DHX16: variants seen among roughly 807,000 people sequenced by gnomAD.
The protein encoded by DHX16 is DEAH-box helicase 16.
In DHX16, 81 loss-of-function variants were observed where a neutral mutation model predicts 131.2. The ratio of observed to expected loss-of-function variants is 0.62; its 90% CI spans 0.52 to 0.74. DHX16 has a LOEUF of 0.74. Among genes scored for constraint, DHX16 ranks in the 30% least tolerant of loss-of-function variants. The probability of loss-of-function intolerance (pLI) is 0.00; values close to 1 mark genes in which losing one functional copy is unlikely to be tolerated. For synonymous variants in DHX16, 440 were observed against 520.2 expected (o/e 0.85, Z 2.10); for missense variants, 980 against 1,363.1 (o/e 0.72, Z 4.43).
rs931882795 is a variant in DHX16, at chr6:30,661,827, C to G, written c.1544+800G>C. On this transcript the variant is annotated intron_variant, in intron 9 of 19. Coordinates refer to ENST00000376442, the MANE Select transcript of DHX16 (RefSeq NM_003587.5). The stretch of plus-strand genomic sequence containing the variant: ...GCTCGATGGGCAAAAACATCTGCAT[C>G]AGACACTCTTGCGCTGGCTGGCTCT... 26 of 717,870 alleles carry G rather than the reference C, an allele frequency of 3.6e-5. No homozygotes were observed. The African/African-American group carries it at 4.4e-4, about 12-fold the overall frequency. The allele number at this position is 717,870 out of a possible 1,614,324, so 44.5% of individuals were successfully genotyped here. A position where few individuals can be genotyped will look rare whatever the true frequency, so the allele number is the denominator to read the frequency against.
intron 10 of DHX16, 53 bp from the exon 11 acceptor site, chr6:30,659,887 C>A: frequency 6.3e-7 from 1 of 1,579,360 alleles, no homozygotes; most frequent in Non-Finnish European, 8.7e-7. Context: ...TTAGGCAAAC[C>A]TTTCCTCTCC....
At chr6:30,661,912 T>C (rs1416558051) in intron 9 of DHX16, 5 of 716,816 alleles carry the variant, frequency 7.0e-6, no homozygotes, top group African/African-American at 3.5e-5. Flanking sequence ...ATCTGTCCAA[T>C]TGCTCCACTG....
Position 30,656,536 on chromosome 6 carries a change from A to T in DHX16, c.2312-27T>A. On this transcript the variant is annotated intron_variant, in intron 14 of 19. Transcript: ENST00000376442. The surrounding 1 kb of genome is among the most constrained non-coding windows in gnomAD (Gnocchi z 5.1). ...TAGAAAGAGGTGTGATGGATGGAAC[A>T]GAGTCCCTTCAAAGGACAGTGACTC... is the stretch of plus-strand genomic sequence containing the variant. 1 of 1,613,980 alleles carries T rather than the reference A, an allele frequency of 6.2e-7. No homozygotes were observed. Among genetic ancestry groups the T allele is most frequent in the Non-Finnish European group, 8.5e-7 (1 of 1,179,832 alleles).
At position 30,662,813 on chromosome 6, in the gene DHX16, G is replaced by T. The variant is rs183929486; in HGVS notation, c.1429-71C>A. On this transcript the variant is annotated intron_variant, in intron 8 of 19. Coordinates refer to ENST00000376442, the MANE Select transcript of DHX16 (RefSeq NM_003587.5). The surrounding 1 kb of genome is among the most constrained non-coding windows in gnomAD (Gnocchi z 4.7). ...TGAAAGGAACTTGGGGAAAGGTGAA[G>T]TGGGGCAGCACCAAGACTTCTGCTG... The T allele has an allele frequency of 1.2e-4, 185 of 1,559,572 alleles. 1 individual carries two copies. The East Asian group carries it at 3.9e-3, about 33-fold the overall frequency.
Position 30,671,222 on chromosome 6 carries a change from G to A in DHX16, c.260C>T (p.Ala87Val). ...EKPARAAERE[A>V]RALLEKNRSY... ...TCGGTTCTTCTCCAGCAGGGCCCGG[G>A]CCTCTCGCTCTGCTGCCCGAGCTGG... The change falls in exon 2 of 20, where the codon GCC becomes GTC. Residue 87 changes from alanine to valine, a missense_variant. Transcript: ENST00000376442. 6.2e-7 allele frequency: 1 copy of A among 1,612,994 alleles called. No homozygotes were observed. The highest frequency in any genetic ancestry group is 8.5e-7 in the Non-Finnish European group (1 of 1,180,034).
chr6:30,655,746 T>A, intron 16 of DHX16, 149 bp from the exon 17 acceptor site: 1 of 849,956 alleles, frequency 1.2e-6, no homozygotes, highest in Non-Finnish European at 1.8e-6. Context: ...GCAGATAGAT[T>A]CTGGCAGCAG....
intron 4 of DHX16, among the ~76,000 whole-genome samples, chr6:30,668,418 A>AG (rs1769231643): frequency 6.6e-6 from 1 of 152,154 alleles, no homozygotes; most frequent in African/African-American, 2.4e-5. Context: ...TGGGAGACCG[A>AG]GGGGGGTGGA....
In DHX16 at chr6:30,656,774, G is replaced by A; in HGVS notation, c.2149-15C>T. The A allele has an allele frequency of 6.2e-7, 1 of 1,611,092 alleles. No homozygotes were observed. The highest frequency in any genetic ancestry group is 8.5e-7 in the Non-Finnish European group (1 of 1,179,832). ...TTGGCTGAGGCCTGGAAAGAAAGGGGAACAGGCTGGCTGACAATTTGGTCA... is the reference window on the plus strand; with the variant it reads ...TTGGCTGAGGCCTGGAAAGAAAGGGAAACAGGCTGGCTGACAATTTGGTCA... On this transcript the variant is annotated splice_polypyrimidine_tract_variant and intron_variant, in intron 13 of 19. Coordinates refer to ENST00000376442, the MANE Select transcript of DHX16 (RefSeq NM_003587.5). The surrounding 1 kb of genome is among the most constrained non-coding windows in gnomAD (Gnocchi z 5.1).
At chr6:30,672,355 G>A (rs1296715584) in intron 1 of DHX16, among the ~76,000 whole-genome samples, 2 of 151,210 alleles carry the variant, frequency 1.3e-5, no homozygotes, top group African/African-American at 4.9e-5. Context: ...AAGAAATGCA[G>A]AAACTAAGAT....
intron 9 of DHX16, among the ~76,000 whole-genome samples, chr6:30,660,796 C>T (rs200237234): frequency 6.6e-5 from 10 of 151,368 alleles, no homozygotes; most frequent in East Asian, 4.0e-4. Flanking sequence ...GCAGGAGAAT[C>T]GCTTGAACCT....
Position 30,660,202 on chromosome 6 carries a change from T to C in DHX16, c.1585A>G (p.Thr529Ala), listed in dbSNP as rs755910210. The change falls in exon 10 of 20, where the codon ACA (threonine) becomes GCA (alanine). Residue 529 changes from threonine to alanine, a missense_variant. Coordinates refer to ENST00000376442, the MANE Select transcript of DHX16 (RefSeq NM_003587.5). ...TTGATCAATCCAAAGAGAATGTCTG[T>C]GTGTAGGGTCCTTTCGTGTGCCTCA... The part of the protein sequence containing the change: ...VDEAHERTLH[T>A]DILFGLIKDV... 1.3e-6 allele frequency: 2 copies of C among 1,556,340 alleles called. No individual in the cohort carries two copies. The highest frequency in any genetic ancestry group is 1.7e-6 in the Non-Finnish European group (2 of 1,150,480).
At position 30,662,587 on chromosome 6, in the gene DHX16, G is replaced by T; in HGVS notation, c.1544+40C>A. On this transcript the variant is annotated intron_variant, in intron 9 of 19. Transcript: ENST00000376442. This position sits in a 1 kb window ranked among gnomAD's most constrained non-coding sequence, Gnocchi z 4.7. ...CAGAAGACAATGGCTGAATTGGCTG[G>T]GTGGGAAGAAGGGAGAGAAAGGCCA... is the stretch of plus-strand genomic sequence containing the variant. 1 of 1,529,750 alleles carries T rather than the reference G, an allele frequency of 6.5e-7. No individual in the cohort carries two copies. Among genetic ancestry groups the T allele is most frequent in the Non-Finnish European group, 9.0e-7 (1 of 1,105,490 alleles). 94.8% of individuals were successfully genotyped at this position (1,529,750 alleles called of 1,614,324 possible). A position where few individuals can be genotyped will look rare whatever the true frequency, so the allele number is the denominator to read the frequency against.
Position 30,664,990 on chromosome 6 carries a change from C to A in DHX16, c.1128G>T (p.Glu376Asp), listed in dbSNP as rs755287752. Residue 376 changes from glutamate to aspartate, a missense_variant and splice_region_variant, in exon 7 of 20, where the codon GAG becomes GAT. Glu to Asp is a conservative substitution (Grantham distance 45). Coordinates refer to ENST00000376442, the MANE Select transcript of DHX16 (RefSeq NM_003587.5). ...GAGTTGAAGTGGGTGGAGCTGACGGCTCCTAAGGAAAGAGAAGGAGGTGTG... is the reference window on the plus strand; with the variant it reads ...GAGTTGAAGTGGGTGGAGCTGACGGATCCTAAGGAAAGAGAAGGAGGTGTG... ...VRATQLQGDE[E>D]PSAPPTSTQA... is the part of the protein sequence containing the mutation. The A allele has an allele frequency of 2.1e-5, 34 of 1,613,786 alleles. No homozygotes were observed. Among genetic ancestry groups the A allele is most frequent in the Non-Finnish European group, 2.6e-5 (31 of 1,179,894 alleles).
At position 30,659,842 on chromosome 6, in the gene DHX16, G is replaced by T; in HGVS notation, c.1756-8C>A. The stretch of plus-strand genomic sequence containing the variant: ...GTAGTCAGCCTCTGGAGCCTGGAGA[G>T]CAGAAAGAGATGGGGTCACAGGAGG... On this transcript the variant is annotated splice_region_variant and splice_polypyrimidine_tract_variant and intron_variant, in intron 10 of 19. Transcript: ENST00000376442. 6.2e-7 allele frequency: 1 copy of T among 1,613,568 alleles called. No homozygotes were observed. Among genetic ancestry groups the T allele is most frequent in the South Asian group, 1.1e-5 (1 of 91,008 alleles).
intron 1 of DHX16, 74 bp from the exon 2 acceptor site, chr6:30,671,348 A>G: frequency 7.2e-7 from 1 of 1,381,890 alleles, no homozygotes; most frequent in East Asian, 2.3e-5. Flanking sequence ...TCTGTTCCTA[A>G]TTTAAGCAAT....
Position 30,670,993 on chromosome 6 carries a change from A to T in DHX16, c.447-41T>A. On this transcript the variant is annotated intron_variant, in intron 2 of 19. Transcript: ENST00000376442. This position sits in a 1 kb window ranked among gnomAD's most constrained non-coding sequence, Gnocchi z 4.4. ...GGGATTAAATAAGGGCATAGAGAAC[A>T]CTTCAGCCTGCCCCATCCTCTCTCA... 1.2e-6 allele frequency: 2 copies of T among 1,612,950 alleles called. No individual in the cohort carries two copies. The highest frequency in any genetic ancestry group is 2.2e-5 in the East Asian group (1 of 44,874).
At chr6:30,655,404 C>G in intron 17 of DHX16, 31 bp downstream of exon 17, 1 of 1,614,044 alleles carries the variant, frequency 6.2e-7, no homozygotes, top group Non-Finnish European at 8.5e-7. Flanking sequence ...CCCCCAGTGT[C>G]TCTCATTCCC....
intron 7 of DHX16, among the ~76,000 whole-genome samples, 189 bp downstream of exon 7, chr6:30,664,612 A>G (rs534936479): frequency 1.3e-5 from 2 of 152,334 alleles, no homozygotes; most frequent in East Asian, 3.9e-4. Context: ...CCGTCCTTCC[A>G]AATGAAATGA....
chr6:30,666,974 T>C (rs951496247), intron 4 of DHX16, among the ~76,000 whole-genome samples: 3 of 152,176 alleles, frequency 2.0e-5, no homozygotes, highest in Non-Finnish European at 2.9e-5. Context: ...AGATAGATTT[T>C]TTTTTTAATA....
Sources: gnomAD v4.1 joint callset for allele counts (sites outside exome capture counted in the v4.1 genomes callset) on GRCh38, gnomAD v4.1.1 for gene constraint, Gnocchi (gnomAD v3.1) non-coding constraint, MANE v1.5 for transcripts, NCBI Gene and HGNC (gene_info 2026-07-23, HGNC 2026-07-21) for gene names.